Variants in CHST12 observed in about 807,000 individuals in gnomAD.
CHST12 encodes the protein carbohydrate (chondroitin 4) sulfotransferase 12.
In CHST12, 23 loss-of-function variants were observed where a neutral mutation model predicts 27.9. That is an observed-to-expected ratio of 0.82 (90% CI 0.59 to 1.17). CHST12 has a LOEUF of 1.17. Among genes scored for constraint, CHST12 ranks in the 50% most tolerant of loss-of-function variants. CHST12 has a pLI of 0.00. For synonymous variants in CHST12, 322 were observed against 273.0 expected, an observed-to-expected ratio of 1.18 and a Z score of -1.77; for missense variants, 682 against 603.0, an observed-to-expected ratio of 1.13 and a Z score of -1.37.
rs149964335 is a variant in CHST12 at position 2,433,549 on chromosome 7, A to G, written c.910A>G (p.Ile304Val). 6.2e-7 allele frequency: 1 copy of G among 1,613,208 alleles called. No individual in the cohort carries two copies. The highest frequency in any genetic ancestry group is 8.5e-7 in the Non-Finnish European group (1 of 1,179,962). The change falls in exon 2 of 2, where the codon ATC becomes GTC. Residue 304 changes from isoleucine to valine, a missense_variant. Ile to Val is a conservative substitution (Grantham distance 29, BLOSUM62 3). Transcript: ENST00000618655. The surrounding 1 kb of genome is among the most constrained non-coding windows in gnomAD (Gnocchi z 6.1). ...AGLKVSFANF[I>V]QYLLDPHTEK... ...CCTCAAGGTGTCCTTCGCCAACTTC[A>G]TCCAGTACCTGCTGGACCCGCACAC...
At chr7:2,418,326 G>A (rs187590229) in intron 1 of CHST12, among the ~76,000 whole-genome samples, 165 of 152,288 alleles carry the variant, frequency 1.1e-3, no homozygotes, top group Middle Eastern at 3.4e-3. Context: ...CCATTTATGA[G>A]GGCATCTGAC....
chr7:2,439,818 G>T lies in CHST12; in HGVS notation c.*5934G>T, dbSNP rs1782559013. 6.6e-6 allele frequency: 1 copy of T among 151,968 alleles called. No individual in the cohort carries two copies. Among genetic ancestry groups the T allele is most frequent in the Non-Finnish European group, 1.5e-5 (1 of 68,012 alleles). The allele number at this position is 151,968 out of a possible 1,614,324, so 9.4% of individuals were successfully genotyped here. On this transcript the variant is annotated 3_prime_UTR_variant, in exon 2 of 2. Coordinates refer to ENST00000618655, the MANE Select transcript of CHST12 (RefSeq NM_018641.5). Reference sequence around the variant, plus strand: ...GGCGTGAACCCGGGAGGCGGAGCTTGCAGTGAGCGGAGATTGGCGCCACTA... The same window carrying T: ...GGCGTGAACCCGGGAGGCGGAGCTTTCAGTGAGCGGAGATTGGCGCCACTA...
intron 1 of CHST12, among the ~76,000 whole-genome samples, chr7:2,416,850 A>G (rs542477815): frequency 4.6e-5 from 7 of 152,302 alleles, no homozygotes; most frequent in African/African-American, 1.4e-4. Flanking sequence ...TTACATGTGA[A>G]AAGAAGGGAG....
At chr7:2,425,198 C>A (rs1483774181) in intron 1 of CHST12, among the ~76,000 whole-genome samples, 1 of 130,226 alleles carries the variant, frequency 7.7e-6, no homozygotes, top group African/African-American at 3.1e-5. Flanking sequence ...AGCAAGACTC[C>A]GTCTCAAAAA....
At position 2,417,387 on chromosome 7, in the gene CHST12, C is replaced by CTTT. The variant is rs769115925; in HGVS notation, c.-78+13732_-78+13734dup. Reference sequence around the variant, plus strand: ...TACAGGTGTGCGCCACCATGTCTGACTTTTTTTTTTTTTTTTTTTTGTGAT... The same window carrying CTTT: ...TACAGGTGTGCGCCACCATGTCTGACTTTTTTTTTTTTTTTTTTTTTTTGTGAT... On this transcript the variant is annotated intron_variant, in intron 1 of 1. Coordinates refer to ENST00000618655, the MANE Select transcript of CHST12 (RefSeq NM_018641.5). Among the ~76,000 whole-genome samples the CTTT allele has an allele frequency of 6.5e-3, 848 of 129,652 alleles. 18 individuals carry two copies. The highest frequency in any genetic ancestry group is 0.023 in the African/African-American group (794 of 34,266). 85.1% of individuals were successfully genotyped at this position (129,652 alleles called of 152,430 possible).
chr7:2,432,275 G>A (rs1473208201), intron 1 of CHST12, among the ~76,000 whole-genome samples: 1 of 151,624 alleles, frequency 6.6e-6, no homozygotes, highest in Admixed American at 6.6e-5. Flanking sequence ...TGGGAGTTGT[G>A]GGCAATATTA....
In CHST12 at chr7:2,444,551, T is replaced by C. The variant is rs1053841729; in HGVS notation, c.*10667T>C. ...TCCTGAGCTCACCAGGGTCCTTCACTCTGTGGCACTGGCCTCAGCCAGCAC... is the reference window on the plus strand; with the variant it reads ...TCCTGAGCTCACCAGGGTCCTTCACCCTGTGGCACTGGCCTCAGCCAGCAC... On this transcript the variant is annotated 3_prime_UTR_variant, in exon 2 of 2. Transcript: ENST00000618655. The C allele has an allele frequency of 6.6e-6, 1 of 152,334 alleles. No homozygotes were observed. The highest frequency in any genetic ancestry group is 1.5e-5 in the Non-Finnish European group (1 of 68,136). The allele number at this position is 152,334 out of a possible 1,614,324, so 9.4% of individuals were successfully genotyped here.
In CHST12 at chr7:2,439,327, A is replaced by G. The variant is rs150294468; in HGVS notation, c.*5443A>G. The G allele has an allele frequency of 1.7e-3, 257 of 152,212 alleles. No individual in the cohort carries two copies. The highest frequency in any genetic ancestry group is 5.8e-3 in the African/African-American group (241 of 41,536). The allele number at this position is 152,212 out of a possible 1,614,324, so 9.4% of individuals were successfully genotyped here. On this transcript the variant is annotated 3_prime_UTR_variant, in exon 2 of 2. Transcript: ENST00000618655. ...GTTCTTACTCTGCCAGGACCCAGGGATAGGTGAGGCTCTCCTATTGGGATA... is the reference window on the plus strand; with the variant it reads ...GTTCTTACTCTGCCAGGACCCAGGGGTAGGTGAGGCTCTCCTATTGGGATA...
Position 2,444,901 on chromosome 7 carries a change from T to C in CHST12, c.*11017T>C, listed in dbSNP as rs1782712341. ...TGGCTTTGATGAAACTGCTTTTTTT[T>C]CAAAGCAGTTTGCAAAATAACCGGG... is the stretch of plus-strand genomic sequence containing the variant. On this transcript the variant is annotated 3_prime_UTR_variant, in exon 2 of 2. Transcript: ENST00000618655. The C allele has an allele frequency of 6.6e-6, 1 of 152,180 alleles. No individual in the cohort carries two copies. Among genetic ancestry groups the C allele is most frequent in the African/African-American group, 2.4e-5 (1 of 41,438 alleles). The allele number at this position is 152,180 out of a possible 1,614,324, so 9.4% of individuals were successfully genotyped here.
At chr7:2,413,600 A>ATGCAGTCTT (rs2115395193) in intron 1 of CHST12, among the ~76,000 whole-genome samples, 1 of 151,944 alleles carries the variant, frequency 6.6e-6, no homozygotes, top group African/African-American at 2.4e-5. Context: ...ACCACAGAAC[A>ATGCAGTCTT]TGCAGTCTTT....
rs1232770394 is a variant in CHST12 at position 2,437,226 on chromosome 7, G to A, written c.*3342G>A. The A allele has an allele frequency of 6.6e-6, 1 of 152,370 alleles. No individual in the cohort carries two copies. Among genetic ancestry groups the A allele is most frequent in the South Asian group, 2.1e-4 (1 of 4,822 alleles). The allele number at this position is 152,370 out of a possible 1,614,324, so 9.4% of individuals were successfully genotyped here. On this transcript the variant is annotated 3_prime_UTR_variant, in exon 2 of 2. Coordinates refer to ENST00000618655, the MANE Select transcript of CHST12 (RefSeq NM_018641.5). ...CACAGTCATGAGAATGACTTGGTTG[G>A]GTGCGGGGTGGTGTCACAAAGCCCT...
rs1408569684 is a variant in CHST12 at position 2,441,535 on chromosome 7, C to G, written c.*7651C>G. The G allele has an allele frequency of 6.6e-6, 1 of 151,700 alleles. No individual in the cohort carries two copies. Among genetic ancestry groups the G allele is most frequent in the Non-Finnish European group, 1.5e-5 (1 of 67,950 alleles). 9.4% of individuals were successfully genotyped at this position (151,700 alleles called of 1,614,324 possible). ...TAGTGGAAACTTGTCTCTCCAAAAG[C>G]TAAAAGAAAAAGCCGTGCATGGTGG... On this transcript the variant is annotated 3_prime_UTR_variant, in exon 2 of 2. Transcript: ENST00000618655.
Position 2,432,654 on chromosome 7 carries a change from G to T in CHST12, c.15G>T (p.Arg5=). 1 of 1,608,388 alleles carries T rather than the reference G, an allele frequency of 6.2e-7. No homozygotes were observed. The highest frequency in any genetic ancestry group is 8.5e-7 in the Non-Finnish European group (1 of 1,175,552). The change falls in exon 2 of 2, where the codon CGG becomes CGT. Residue 5 remains arginine, a synonymous_variant. Coordinates refer to ENST00000618655, the MANE Select transcript of CHST12 (RefSeq NM_018641.5). ...CCCGGGGCAGGATGACCAAGGCCCG[G>T]CTGTTCCGGCTGTGGCTGGTGCTGG... MTKA[R]LFRLWLVLGS... is the part of the protein sequence containing the mutation.
At chr7:2,417,089 C>T (rs1781828812) in intron 1 of CHST12, among the ~76,000 whole-genome samples, 1 of 152,142 alleles carries the variant, frequency 6.6e-6, no homozygotes, top group African/African-American at 2.4e-5. Flanking sequence ...AATTGGCTCA[C>T]ACAATTACGG....
rs1371477568 is a variant in CHST12 at position 2,433,496 on chromosome 7, C to T, written c.857C>T (p.Ala286Val). ...RLYANHTSLP[A>V]SAREAFRAGL... ...TACGCCAACCACACCAGCCTGCCCG[C>T]CTCGGCGCGCGAGGCCTTCCGCGCT... The change falls in exon 2 of 2, where the codon GCC (alanine) becomes GTC (valine). Residue 286 changes from alanine (A) to valine (V), a missense_variant. Ala to Val is a moderately conservative substitution (Grantham distance 64, BLOSUM62 0). Coordinates refer to ENST00000618655, the MANE Select transcript of CHST12 (RefSeq NM_018641.5). The surrounding 1 kb of genome is among the most constrained non-coding windows in gnomAD (Gnocchi z 6.1). 6.2e-7 allele frequency: 1 copy of T among 1,611,932 alleles called. No individual in the cohort carries two copies. The highest frequency in any genetic ancestry group is 2.2e-5 in the East Asian group (1 of 44,874).
chr7:2,406,180 A>T (rs184308265), intron 1 of CHST12, among the ~76,000 whole-genome samples: 126 of 151,986 alleles, frequency 8.3e-4, no homozygotes, highest in African/African-American at 2.9e-3. Flanking sequence ...TTAGTTTCAC[A>T]CTTGCTTAGT....
At chr7:2,416,749 G>A (rs569586035) in intron 1 of CHST12, among the ~76,000 whole-genome samples, 319 of 152,304 alleles carry the variant, frequency 2.1e-3, no homozygotes, top group Non-Finnish European at 3.5e-3. Flanking sequence ...AGGCAGGAGG[G>A]GAAGAGGGGA....
chr7:2,419,968 C>CTTTTT lies in CHST12; in HGVS notation c.-77-12576_-77-12572dup, dbSNP rs869252983. On this transcript the variant is annotated intron_variant, in intron 1 of 1. Coordinates refer to ENST00000618655, the MANE Select transcript of CHST12 (RefSeq NM_018641.5). ...ACAAGTAGAATCTTGAAATATTTGT[C>CTTTTT]TTTTTTTTTTTTTTTTTTTTTTTGA... Among the ~76,000 whole-genome samples the CTTTTT allele has an allele frequency of 1.7e-3, 135 of 81,402 alleles. 1 individual carries two copies. Among genetic ancestry groups the CTTTTT allele is most frequent in the East Asian group, 3.2e-3 (7 of 2,204 alleles). The allele number at this position is 81,402 out of a possible 152,430, so 53.4% of individuals were successfully genotyped here.
In CHST12 at chr7:2,433,222, C is replaced by T. The variant is rs1250196679; in HGVS notation, c.583C>T (p.Pro195Ser). The change falls in exon 2 of 2, where the codon CCC becomes TCC. Residue 195 changes from proline (P) to serine (S), a missense_variant. Pro to Ser is a moderately conservative substitution (Grantham distance 74, BLOSUM62 -1). Transcript: ENST00000618655. This position sits in a 1 kb window ranked among gnomAD's most constrained non-coding sequence, Gnocchi z 6.1. ...LSGSLLHRGA[P>S]YRDPLRIPRE... ...CGGAAGCCTGCTGCACCGCGGTGCG[C>T]CCTACCGCGACCCGCTGCGCATCCC... The T allele has an allele frequency of 1.2e-6, 2 of 1,612,334 alleles. No individual in the cohort carries two copies. The highest frequency in any genetic ancestry group is 1.7e-6 in the Non-Finnish European group (2 of 1,179,298).
Sources: gnomAD v4.1 joint callset for allele counts (sites outside exome capture counted in the v4.1 genomes callset) on GRCh38, gnomAD v4.1.1 for gene constraint, Gnocchi (gnomAD v3.1) non-coding constraint, MANE v1.5 for transcripts, NCBI Gene and HGNC (gene_info 2026-07-23, HGNC 2026-07-21) for gene names.